Variants in TRPM4 observed in about 807,000 individuals in gnomAD.
The protein encoded by TRPM4 is calcium-activated non-selective cation channel 1.
A neutral mutation model predicts 135.6 loss-of-function variants in TRPM4; 124 were observed. That is an observed-to-expected ratio of 0.91 (90% confidence interval 0.79 to 1.06). The LOEUF (loss-of-function observed/expected upper bound fraction) is 1.06, where lower values mean the gene tolerates loss of function less well. TRPM4 is among the 50% of genes least tolerant of loss of function. The probability of loss-of-function intolerance (pLI) is 0.00; values close to 1 mark genes in which losing one functional copy is unlikely to be tolerated. For synonymous variants in TRPM4, 745 were observed against 705.6 expected (o/e 1.06, Z -0.88); for missense variants, 1,658 against 1,671.4 (o/e 0.99, Z 0.14).
chr19:49,169,009 CAATAATAAT>C (rs577879197), intron 6 of TRPM4, among the ~76,000 whole-genome samples: 7 of 149,032 alleles, frequency 4.7e-5, no homozygotes, highest in East Asian at 2.0e-4. Context: ...TTGTCTCTAC[CAATAATAAT>C]AATAATAATA....
intron 16 of TRPM4, among the ~76,000 whole-genome samples, chr19:49,195,097 A>G (rs576016378): frequency 5.3e-4 from 80 of 151,410 alleles, no homozygotes; most frequent in Non-Finnish European, 9.9e-4. Context: ...TGGCAGCTTT[A>G]TTGAGCTGTA....
chr19:49,182,617 A>C lies in TRPM4; in HGVS notation c.1303A>C (p.Asn435His). The C allele has an allele frequency of 6.2e-7, 1 of 1,614,062 alleles. No individual in the cohort carries two copies. The highest frequency in any genetic ancestry group is 1.1e-5 in the South Asian group (1 of 91,086). ...AGCTTCCCTCATGGACGCCCTGCTG[A>C]ATGACCGGCCTGAGTTCGTGCGCTT... ...LEASLMDALL[N>H]DRPEFVRLLI... The change falls in exon 11 of 25, where the codon AAT becomes CAT. Residue 435 changes from asparagine (N) to histidine (H), a missense_variant. By Grantham distance (68) the Asn-to-His change is moderately conservative. Around this residue, in one of 3 missense-constraint regions of TRPM4, gnomAD observed 1,412 missense variants for 1,408.7 expected, o/e 1.00. Coordinates refer to ENST00000252826, the MANE Select transcript of TRPM4 (RefSeq NM_017636.4).
chr19:49,201,897 G>T (rs761294289), intron 19 of TRPM4, 67 bp from the exon 20 acceptor site: 1 of 1,570,100 alleles, frequency 6.4e-7, no homozygotes, highest in Non-Finnish European at 8.7e-7. Context: ...CACCGCGCCC[G>T]GCAGTCTTCC....
chr19:49,182,072 C>T (rs1273373462), intron 10 of TRPM4, among the ~76,000 whole-genome samples: 13 of 139,964 alleles, frequency 9.3e-5, no homozygotes, highest in Non-Finnish European at 1.8e-4. Context: ...ATCCATCCAT[C>T]CATCCATCCA....
chr19:49,184,835 C>T (rs906197445), intron 12 of TRPM4, among the ~76,000 whole-genome samples: 2 of 151,472 alleles, frequency 1.3e-5, no homozygotes, highest in Non-Finnish European at 2.9e-5. Flanking sequence ...TTTTTGATTA[C>T]AGTACCATTC....
chr19:49,171,306 C>A lies in TRPM4; in HGVS notation c.797-51C>A. On this transcript the variant is annotated intron_variant, in intron 6 of 24. Transcript: ENST00000252826. This position sits in a 1 kb window ranked among gnomAD's most constrained non-coding sequence, Gnocchi z 4.7. The stretch of plus-strand genomic sequence containing the variant: ...TGGGAAATGCGGTTTTCTCCTATCT[C>A]CAGCAAAGGCTGATGGGAGGTAATC... The A allele has an allele frequency of 6.2e-7, 1 of 1,607,274 alleles. No individual in the cohort carries two copies. The highest frequency in any genetic ancestry group is 1.1e-5 in the South Asian group (1 of 90,942).
intron 16 of TRPM4, among the ~76,000 whole-genome samples, chr19:49,193,437 C>A (rs1449668921): frequency 6.6e-6 from 1 of 152,162 alleles, no homozygotes; most frequent in Admixed American, 6.6e-5. Flanking sequence ...TAATTATTCT[C>A]ATTTTGCAGG....
intron 14 of TRPM4, 93 bp downstream of exon 14, chr19:49,189,184 C>T: frequency 3.3e-6 from 5 of 1,535,580 alleles, no homozygotes; most frequent in East Asian, 2.3e-5. Flanking sequence ...CATCTATGGT[C>T]TTGACCAGCC....
chr19:49,180,477 T>TGTGTGTGTGTG (rs1568468913), intron 9 of TRPM4, among the ~76,000 whole-genome samples: 4 of 139,738 alleles, frequency 2.9e-5, no homozygotes, highest in African/African-American at 5.4e-5. Flanking sequence ...TGTGTGTGTG[T>TGTGTGTGTGTG]TGCACCCGGG....
At chr19:49,186,486 CCT>C (rs1199503532) in intron 12 of TRPM4, among the ~76,000 whole-genome samples, 2 of 152,186 alleles carry the variant, frequency 1.3e-5, no homozygotes, top group African/African-American at 4.8e-5. Context: ...CCTTTCATGG[CCT>C]CTTTCTTCCC....
Position 49,210,386 on chromosome 19 carries a change from C to T in TRPM4, c.3309C>T (p.Ser1103=). Residue 1103 remains serine (S), a synonymous_variant, in exon 21 of 25, where the codon TCC becomes TCT. Transcript: ENST00000252826. This position sits in a 1 kb window ranked among gnomAD's most constrained non-coding sequence, Gnocchi z 4.1. ...GACCCCGGAGCCCCCAGCCGTCCTC[C>T]CCGGCCCTCGAGCATTTCCGTAAGA... ...CRRPRSPQPS[S]PALEHFRVYL... 1 of 1,613,920 alleles carries T rather than the reference C, an allele frequency of 6.2e-7. No homozygotes were observed. The highest frequency in any genetic ancestry group is 1.1e-5 in the South Asian group (1 of 91,084).
At position 49,211,303 on chromosome 19, in the gene TRPM4, C is replaced by T. The variant is rs1312318916; in HGVS notation, c.3640+34C>T. On this transcript the variant is annotated intron_variant, in intron 24 of 24. Transcript: ENST00000252826. This position sits in a 1 kb window ranked among gnomAD's most constrained non-coding sequence, Gnocchi z 4.8. Reference sequence around the variant, plus strand: ...GTAGCATCAGCCTGTGCATCTCCAGCCTCTGTTCCTGTATTTTTGCGTGTT... The same window carrying T: ...GTAGCATCAGCCTGTGCATCTCCAGTCTCTGTTCCTGTATTTTTGCGTGTT... 1 of 1,573,982 alleles carries T rather than the reference C, an allele frequency of 6.4e-7. No homozygotes were observed. The highest frequency in any genetic ancestry group is 8.6e-7 in the Non-Finnish European group (1 of 1,157,890).
chr19:49,193,354 T>A (rs980409254), intron 16 of TRPM4, among the ~76,000 whole-genome samples: 1 of 152,174 alleles, frequency 6.6e-6, no homozygotes, highest in Admixed American at 6.5e-5. Flanking sequence ...GTGCTGGGAT[T>A]ACAAGCATGA....
intron 20 of TRPM4, among the ~76,000 whole-genome samples, chr19:49,206,440 T>C (rs1239520457): frequency 1.3e-5 from 2 of 151,574 alleles, no homozygotes; most frequent in East Asian, 1.9e-4. Context: ...TTTTCCTTTT[T>C]TTTTTTTCTT....
At chr19:49,158,374 C>A in intron 2 of TRPM4, 115 bp downstream of exon 2, 1 of 970,598 alleles carries the variant, frequency 1.0e-6, no homozygotes, top group Non-Finnish European at 1.7e-6. Context: ...GGGACCTTCC[C>A]AAGGGCGTTC....
intron 16 of TRPM4, 39 bp downstream of exon 16, chr19:49,190,812 C>T (rs765696093): frequency 6.3e-7 from 1 of 1,594,828 alleles, no homozygotes; most frequent in African/African-American, 1.3e-5. Flanking sequence ...GTGGGGACAC[C>T]CTGGGCAGTT....
At chr19:49,185,347 C>T (rs1385160815) in intron 12 of TRPM4, among the ~76,000 whole-genome samples, 2 of 152,180 alleles carry the variant, frequency 1.3e-5, no homozygotes, top group Non-Finnish European at 2.9e-5. Flanking sequence ...TTCTTGGACT[C>T]AAGCAATCCT....
intron 12 of TRPM4, among the ~76,000 whole-genome samples, chr19:49,188,389 G>C (rs2022825733): frequency 1.3e-5 from 2 of 152,172 alleles, no homozygotes; most frequent in African/African-American, 2.4e-5. Flanking sequence ...TGACCTGTCT[G>C]TGACTGCTGA....
intron 2 of TRPM4, among the ~76,000 whole-genome samples, chr19:49,162,851 T>G (rs1408691176): frequency 6.6e-6 from 1 of 151,906 alleles, no homozygotes; most frequent in Non-Finnish European, 1.5e-5. Context: ...AACCTCCGCC[T>G]CCCGGGTTCA....
Sources: gnomAD v4.1 joint callset for allele counts (sites outside exome capture counted in the v4.1 genomes callset) on GRCh38, gnomAD v4.1.1 for gene constraint, gnomAD v4.1.1 regional missense constraint, Gnocchi (gnomAD v3.1) non-coding constraint, MANE v1.5 for transcripts, NCBI Gene and HGNC (gene_info 2026-07-23, HGNC 2026-07-21) for gene names.